Variants in RAI14 observed in about 807,000 individuals in gnomAD.
RAI14 encodes ankycorbin.
In RAI14, 45 loss-of-function variants were observed where a neutral mutation model predicts 115.4. The ratio of observed to expected loss-of-function variants is 0.39; its 90% CI spans 0.31 to 0.50. The LOEUF is 0.50. Among genes scored for constraint, RAI14 ranks in the 20% least tolerant of loss-of-function variants. RAI14 has a pLI of 0.85. For missense variants in RAI14, 939 were observed against 1,131.2 expected, an observed-to-expected ratio of 0.83 and a Z score of 2.44; for synonymous variants, 371 against 415.4, an observed-to-expected ratio of 0.89 and a Z score of 1.30.
intron 1 of RAI14, among the ~76,000 whole-genome samples, chr5:34,671,310 C>T (rs1335227379): frequency 6.6e-6 from 1 of 152,168 alleles, no homozygotes; most frequent in Non-Finnish European, 1.5e-5. Context: ...ACTAGGAGTC[C>T]ATCAGCCTTT....
At chr5:34,742,345 G>C (rs1299705467) in intron 2 of RAI14, among the ~76,000 whole-genome samples, 2 of 152,158 alleles carry the variant, frequency 1.3e-5, no homozygotes, top group African/African-American at 4.8e-5. Context: ...ATACAGGCGT[G>C]GTTAATATCA....
intron 1 of RAI14, among the ~76,000 whole-genome samples, chr5:34,674,620 C>T (rs256291): frequency 0.78 from 115,868 of 147,804 alleles, 45,555 homozygotes; most frequent in South Asian, 0.94. Context: ...AATCTCCTTC[C>T]GTTGCCCAGG....
At chr5:34,828,929 AAAATT>A (rs1448217856) in intron 16 of RAI14, among the ~76,000 whole-genome samples, 11 of 152,194 alleles carry the variant, frequency 7.2e-5, no homozygotes, top group African/African-American at 2.7e-4. Flanking sequence ...ATAGGCTTTA[AAAATT>A]AAATTAGTAC....
At chr5:34,684,108 A>G (rs1744613689) in intron 1 of RAI14, among the ~76,000 whole-genome samples, 1 of 152,150 alleles carries the variant, frequency 6.6e-6, no homozygotes, top group South Asian at 2.1e-4. Flanking sequence ...GTTGGGGAAT[A>G]TCTGTTTATC....
At chr5:34,692,580 GA>G (rs1347281618) in intron 2 of RAI14, among the ~76,000 whole-genome samples, 1 of 150,266 alleles carries the variant, frequency 6.7e-6, no homozygotes, top group Non-Finnish European at 1.5e-5. Context: ...GTAGACATAG[GA>G]ACTATGGCCA....
At chr5:34,766,169 G>A (rs1004845864) in intron 3 of RAI14, among the ~76,000 whole-genome samples, 5 of 152,298 alleles carry the variant, frequency 3.3e-5, no homozygotes, top group African/African-American at 9.6e-5. Context: ...AGAAGGAAAT[G>A]TAGGGCTGGG....
At chr5:34,818,146 T>G (rs1373454340) in intron 12 of RAI14, among the ~76,000 whole-genome samples, 1 of 152,210 alleles carries the variant, frequency 6.6e-6, no homozygotes, top group Non-Finnish European at 1.5e-5. Context: ...GATGCCACAT[T>G]GTAATTTTTA....
chr5:34,806,243 T>C (rs904838124), intron 5 of RAI14, among the ~76,000 whole-genome samples: 2 of 152,052 alleles, frequency 1.3e-5, no homozygotes, highest in Admixed American at 1.3e-4. Context: ...AGAATGCCAA[T>C]GTGTGGGCCT....
Position 34,793,146 on chromosome 5 carries a change from C to T in RAI14, c.168-2793C>T, listed in dbSNP as rs1187694719. Among the ~76,000 whole-genome samples the T allele has an allele frequency of 2.6e-5, 4 of 152,322 alleles. No individual in the cohort carries two copies. In the East Asian group the frequency reaches 7.7e-4, roughly 29 times the overall value. On this transcript the variant is annotated intron_variant, in intron 3 of 17. Transcript: ENST00000265109. The stretch of plus-strand genomic sequence containing the variant: ...GGGATTTTCTTTTACAAAGCTATGT[C>T]TAAGAAAATTCTTTTGTGGGACTGG...
chr5:34,747,023 A>C (rs1249029127), intron 2 of RAI14, among the ~76,000 whole-genome samples: 1 of 152,112 alleles, frequency 6.6e-6, no homozygotes, highest in East Asian at 1.9e-4. Context: ...TCCTGCCATG[A>C]TTCTGAGGCC....
intron 1 of RAI14, chr5:34,686,479 TGA>T (rs1209048438): frequency 6.5e-6 from 1 of 152,714 alleles, no homozygotes; most frequent in Non-Finnish European, 1.5e-5. Context: ...GAAAAATTCC[TGA>T]GAGTAGATTT....
intron 1 of RAI14, among the ~76,000 whole-genome samples, chr5:34,672,859 C>T (rs1419979929): frequency 6.6e-6 from 1 of 151,926 alleles, no homozygotes; most frequent in Non-Finnish European, 1.5e-5. Flanking sequence ...GGGAAACTTC[C>T]CCACCGTCTG....
chr5:34,728,129 G>T (rs1743704431), intron 2 of RAI14, among the ~76,000 whole-genome samples: 2 of 152,138 alleles, frequency 1.3e-5, no homozygotes, highest in Non-Finnish European at 2.9e-5. Context: ...TAGCCCCTTT[G>T]TTTTGGCCAA....
At chr5:34,671,209 G>A (rs1389103581) in intron 1 of RAI14, among the ~76,000 whole-genome samples, 1 of 152,138 alleles carries the variant, frequency 6.6e-6, no homozygotes, top group Non-Finnish European at 1.5e-5. Context: ...TAAAGGGGGT[G>A]AGAATACAGG....
At chr5:34,813,740 G>T (rs1428019287) in intron 11 of RAI14, 80 bp downstream of exon 11, 2 of 1,223,506 alleles carry the variant, frequency 1.6e-6, no homozygotes, top group African/African-American at 3.1e-5. Flanking sequence ...AGGCCAAAAA[G>T]GAATGTTTTA....
chr5:34,662,348 T>C (rs1437377517), intron 1 of RAI14, among the ~76,000 whole-genome samples: 1 of 152,218 alleles, frequency 6.6e-6, no homozygotes, highest in African/African-American at 2.4e-5. Context: ...ACATTCACTA[T>C]TATAGCACTA....
intron 1 of RAI14, among the ~76,000 whole-genome samples, chr5:34,677,352 C>T (rs1176171940): frequency 1.3e-5 from 2 of 151,814 alleles, no homozygotes; most frequent in African/African-American, 2.4e-5. Context: ...TTAGAGGAGA[C>T]GAGGTTTTGC....
At chr5:34,819,405 G>A (rs1224951568) in intron 13 of RAI14, among the ~76,000 whole-genome samples, 2 of 152,104 alleles carry the variant, frequency 1.3e-5, no homozygotes, top group African/African-American at 2.4e-5. Context: ...TTGCAGCTGA[G>A]CAGCACATTA....
intron 2 of RAI14, among the ~76,000 whole-genome samples, chr5:34,720,852 ATTTTTTACT>A (rs1383215104): frequency 6.6e-6 from 1 of 151,536 alleles, no homozygotes; most frequent in East Asian, 2.0e-4. Context: ...TCTGGCTTTT[ATTTTTTACT>A]TTTTTTACTT....
Sources: gnomAD v4.1 joint callset for allele counts (sites outside exome capture counted in the v4.1 genomes callset) on GRCh38, gnomAD v4.1.1 for gene constraint, MANE v1.5 for transcripts, NCBI Gene and HGNC (gene_info 2026-07-23, HGNC 2026-07-21) for gene names.